Variants in CTNND2 observed in about 807,000 individuals in gnomAD.
CTNND2 encodes the protein catenin delta-2.
A neutral mutation model predicts 144.4 loss-of-function variants in CTNND2; 22 were observed. The observed-to-expected ratio is 0.15, with a 90% confidence interval of 0.11 to 0.22. The LOEUF is 0.22. CTNND2 is among the 10% of genes least tolerant of loss of function. The pLI is 1.00. For missense variants in CTNND2, 1,353 were observed against 1,618.8 expected, an observed-to-expected ratio of 0.84 and a Z score of 2.82; for synonymous variants, 751 against 695.6, an observed-to-expected ratio of 1.08 and a Z score of -1.25.
At chr5:11,575,629 C>T (rs974040178) in intron 2 of CTNND2, among the ~76,000 whole-genome samples, 1 of 152,144 alleles carries the variant, frequency 6.6e-6, no homozygotes, top group Non-Finnish European at 1.5e-5. Flanking sequence ...AGCTAAATAT[C>T]CATATCAATG....
intron 9 of CTNND2, among the ~76,000 whole-genome samples, chr5:11,322,464 A>T (rs1752131114): frequency 6.6e-6 from 1 of 152,236 alleles, no homozygotes. Context: ...CCTCCAAAAA[A>T]GACTGGTGAT....
intron 16 of CTNND2, among the ~76,000 whole-genome samples, chr5:11,032,095 TAGAC>T (rs1429522431): frequency 2.0e-5 from 3 of 152,242 alleles, no homozygotes; most frequent in Non-Finnish European, 2.9e-5. Context: ...TCCTGACTAA[TAGAC>T]AGATTCTGCC....
chr5:11,562,237 A>C (rs569173548), intron 3 of CTNND2, among the ~76,000 whole-genome samples: 1 of 152,346 alleles, frequency 6.6e-6, no homozygotes, highest in African/African-American at 2.4e-5. Flanking sequence ...TAGTATCATT[A>C]AGAGGTATGA....
intron 17 of CTNND2, among the ~76,000 whole-genome samples, chr5:11,018,264 T>C (rs1458535491): frequency 1.3e-5 from 2 of 152,096 alleles, no homozygotes; most frequent in Non-Finnish European, 2.9e-5. Flanking sequence ...TCAAGAAATA[T>C]TGTGTGTTCC....
chr5:11,585,379 G>A (rs570903638), intron 2 of CTNND2, among the ~76,000 whole-genome samples: 2 of 151,956 alleles, frequency 1.3e-5, no homozygotes, highest in East Asian at 3.9e-4. Flanking sequence ...TTAATCGGGG[G>A]AAAAAGAACA....
At chr5:11,303,628 A>C (rs1418944493) in intron 9 of CTNND2, among the ~76,000 whole-genome samples, 7 of 152,138 alleles carry the variant, frequency 4.6e-5, no homozygotes, top group African/African-American at 1.7e-4. Context: ...TTCCTTCTTC[A>C]TTCAGGAAGA....
At chr5:11,008,485 G>A (rs1740722857) in intron 18 of CTNND2, among the ~76,000 whole-genome samples, 2 of 152,198 alleles carry the variant, frequency 1.3e-5, no homozygotes, top group African/African-American at 4.8e-5. Flanking sequence ...GCCTTTAGAA[G>A]CTGGAAAAGG....
intron 1 of CTNND2, among the ~76,000 whole-genome samples, chr5:11,839,875 A>C (rs541020225): frequency 2.6e-5 from 4 of 151,998 alleles, no homozygotes; most frequent in African/African-American, 9.7e-5. Context: ...GCTGCATCCT[A>C]TTTGCTAGAA....
In CTNND2 at chr5:11,243,482, G is replaced by T. The variant is rs182282530; in HGVS notation, c.1629-6659C>A. Among the ~76,000 whole-genome samples, 673 of 152,310 alleles carry T rather than the reference G, an allele frequency of 4.4e-3. 4 individuals are homozygous for T. Among genetic ancestry groups the T allele is most frequent in the African/African-American group, 0.015 (644 of 41,564 alleles). ...AGCATGGGCTCTCTAGAAATGTCAGGTATTGTATATAACTAAGAAGAGGAG... is the reference window on the plus strand; with the variant it reads ...AGCATGGGCTCTCTAGAAATGTCAGTTATTGTATATAACTAAGAAGAGGAG... On this transcript the variant is annotated intron_variant, in intron 9 of 21. Transcript: ENST00000304623.
chr5:11,526,814 G>A (rs1773288719), intron 3 of CTNND2, among the ~76,000 whole-genome samples: 1 of 152,144 alleles, frequency 6.6e-6, no homozygotes, highest in African/African-American at 2.4e-5. Context: ...AGTTTTCACT[G>A]CAGCCCGAAG....
At chr5:11,169,833 C>T (rs6885224) in intron 11 of CTNND2, among the ~76,000 whole-genome samples, 89,716 of 151,992 alleles carry the variant, frequency 0.59, 27,742 homozygotes, top group African/African-American at 0.77. Context: ...TTGGGTTCTA[C>T]GGCTTTCAAA....
intron 1 of CTNND2, among the ~76,000 whole-genome samples, chr5:11,894,518 T>C (rs1453567330): frequency 1.3e-5 from 2 of 152,234 alleles, no homozygotes; most frequent in Non-Finnish European, 2.9e-5. Context: ...TTCAGAGATT[T>C]AGTTTTATAG....
At chr5:11,024,508 T>C (rs1742619330) in intron 16 of CTNND2, among the ~76,000 whole-genome samples, 1 of 152,162 alleles carries the variant, frequency 6.6e-6, no homozygotes, top group Non-Finnish European at 1.5e-5. Flanking sequence ...CCACAAACCA[T>C]TAGAAGACAA....
chr5:11,394,966 CT>C (rs1308704398), intron 6 of CTNND2, among the ~76,000 whole-genome samples: 2 of 152,180 alleles, frequency 1.3e-5, no homozygotes, highest in Admixed American at 6.5e-5. Context: ...GGTCTGACAT[CT>C]GTTAGCCATC....
intron 18 of CTNND2, among the ~76,000 whole-genome samples, chr5:11,006,141 C>A (rs1385004835): frequency 2.0e-5 from 3 of 152,086 alleles, no homozygotes; most frequent in African/African-American, 7.2e-5. Flanking sequence ...CAGGGAAGAC[C>A]AGGACCAGGG....
intron 9 of CTNND2, among the ~76,000 whole-genome samples, chr5:11,249,424 G>A (rs1178799003): frequency 6.6e-6 from 1 of 152,310 alleles, no homozygotes; most frequent in East Asian, 1.9e-4. Context: ...AAGATTCAAA[G>A]GAGCAAGGCT....
At chr5:11,477,078 G>T (rs1034820047) in intron 3 of CTNND2, among the ~76,000 whole-genome samples, 3 of 152,214 alleles carry the variant, frequency 2.0e-5, no homozygotes, top group Non-Finnish European at 2.9e-5. Context: ...ATGTCAAGAA[G>T]AATGAGACTG....
intron 1 of CTNND2, among the ~76,000 whole-genome samples, chr5:11,789,499 G>A (rs1791021896): frequency 6.6e-6 from 1 of 152,054 alleles, no homozygotes; most frequent in Admixed American, 6.6e-5. Context: ...ATTTCTGCGA[G>A]TAAGAATATA....
intron 11 of CTNND2, among the ~76,000 whole-genome samples, chr5:11,190,713 T>G (rs1267151005): frequency 6.6e-6 from 1 of 152,266 alleles, no homozygotes; most frequent in Non-Finnish European, 1.5e-5. Flanking sequence ...TTATCTATGG[T>G]GCTTTCATCC....
Sources: gnomAD v4.1 joint callset for allele counts (sites outside exome capture counted in the v4.1 genomes callset) on GRCh38, gnomAD v4.1.1 for gene constraint, MANE v1.5 for transcripts, NCBI Gene and HGNC (gene_info 2026-07-23, HGNC 2026-07-21) for gene names.